Variants in COL22A1 observed in about 807,000 individuals in gnomAD.
The protein encoded by COL22A1 is collagen type XXII alpha 1 chain, also known as collagen alpha-1(XXII) chain.
COL22A1 carries 221 observed loss-of-function variants against 248.9 expected under a neutral mutation model. The observed-to-expected ratio is 0.89, with a 90% CI of 0.80 to 0.99. The LOEUF is 0.99. Ranked by LOEUF, COL22A1 falls within the 50% of genes least tolerant of loss-of-function variation. The pLI, the probability that COL22A1 is intolerant of heterozygous loss-of-function variation, is 0.00. For synonymous variants in COL22A1, 891 were observed against 793.4 expected, an observed-to-expected ratio of 1.12 and a Z score of -2.07; for missense variants, 2,240 against 2,179.0, an observed-to-expected ratio of 1.03 and a Z score of -0.56.
intron 16 of COL22A1, among the ~76,000 whole-genome samples, chr8:138,772,157 T>A (rs191042170): frequency 7.2e-5 from 11 of 152,282 alleles, no homozygotes; most frequent in African/African-American, 2.6e-4. Context: ...GGGAAGGCCG[T>A]CTGCACGCTG....
intron 32 of COL22A1, among the ~76,000 whole-genome samples, chr8:138,696,151 A>G (rs1022681766): frequency 6.6e-6 from 1 of 152,232 alleles, no homozygotes. Context: ...ACAGGTTTGC[A>G]GAGTTCTCCA....
chr8:138,845,378 G>A (rs1821170012), intron 3 of COL22A1, among the ~76,000 whole-genome samples: 2 of 151,832 alleles, frequency 1.3e-5, no homozygotes, highest in Non-Finnish European at 2.9e-5. Context: ...GCATGGTGGT[G>A]CACACTGGTA....
chr8:138,729,483 G>A (rs533007477), intron 23 of COL22A1, among the ~76,000 whole-genome samples: 17 of 152,150 alleles, frequency 1.1e-4, no homozygotes, highest in Admixed American at 2.0e-4. Flanking sequence ...TGTACACTTC[G>A]GAAAGAGAGG....
In COL22A1 at chr8:138,878,137, C is replaced by G; in HGVS notation, c.271G>C (p.Glu91Gln). 6.2e-7 allele frequency: 1 copy of G among 1,605,936 alleles called. No homozygotes were observed. Among genetic ancestry groups the G allele is most frequent in the Non-Finnish European group, 8.5e-7 (1 of 1,176,962 alleles). ...TCCTGCGAGCCAAAGAGTCCCAACT[C>G]GAAGGCCGTGGTGGGCCGGTCGCTG... Reference protein sequence around the residue: ...RYSDRPTTAFELGLFGSQEEV... With the variant: ...RYSDRPTTAFQLGLFGSQEEV... The change falls in exon 3 of 65, where the codon GAG (glutamate) becomes CAG (glutamine). Residue 91 changes from glutamate to glutamine, a missense_variant. Coordinates refer to ENST00000303045, the MANE Select transcript of COL22A1 (RefSeq NM_152888.3).
At chr8:138,753,686 C>A (rs1016498043) in intron 21 of COL22A1, among the ~76,000 whole-genome samples, 2 of 152,140 alleles carry the variant, frequency 1.3e-5, no homozygotes, top group African/African-American at 4.8e-5. Context: ...TTATTTCATC[C>A]CTATATCTTC....
At chr8:138,709,758 C>T (rs564176491) in intron 30 of COL22A1, among the ~76,000 whole-genome samples, 2 of 152,240 alleles carry the variant, frequency 1.3e-5, no homozygotes, top group Non-Finnish European at 2.9e-5. Context: ...GCATCTTGTG[C>T]ACATGTACCC....
intron 41 of COL22A1, among the ~76,000 whole-genome samples, chr8:138,668,063 A>G (rs975219550): frequency 5.3e-5 from 8 of 152,252 alleles, no homozygotes; most frequent in African/African-American, 1.9e-4. Context: ...TTAAAGAAAC[A>G]AACAAAAAAC....
chr8:138,629,512 TAACCAGATGAGGATCCTA>T (rs535093618), intron 50 of COL22A1, among the ~76,000 whole-genome samples: 42 of 152,266 alleles, frequency 2.8e-4, no homozygotes, highest in African/African-American at 8.7e-4. Flanking sequence ...TCAAAAGGAT[TAACCAGATGAGGATCCTA>T]AACCAGATGA....
intron 12 of COL22A1, among the ~76,000 whole-genome samples, chr8:138,789,977 T>C (rs969070616): frequency 6.6e-6 from 1 of 152,352 alleles, no homozygotes; most frequent in Non-Finnish European, 1.5e-5. Context: ...CTGCTATTGC[T>C]AAAACATGCT....
At chr8:138,869,329 G>T (rs1284493926) in intron 3 of COL22A1, among the ~76,000 whole-genome samples, 1 of 152,188 alleles carries the variant, frequency 6.6e-6, no homozygotes, top group Admixed American at 6.5e-5. Context: ...CATCAATTTG[G>T]GAATGATTGA....
chr8:138,682,513 T>A (rs191356823), intron 39 of COL22A1, among the ~76,000 whole-genome samples: 259 of 152,296 alleles, frequency 1.7e-3, no homozygotes, highest in African/African-American at 5.4e-3. Flanking sequence ...CCCACATTTT[T>A]AAAAGTTGAT....
intron 39 of COL22A1, 48 bp downstream of exon 39, chr8:138,684,377 T>C (rs1179552993): frequency 4.6e-6 from 6 of 1,304,318 alleles, no homozygotes; most frequent in Admixed American, 1.7e-5. Context: ...ACGTTCTCTT[T>C]CAAACGGCAA....
intron 64 of COL22A1, 125 bp from the exon 65 acceptor site, chr8:138,589,565 C>A: frequency 4.0e-6 from 3 of 742,178 alleles, no homozygotes; most frequent in Non-Finnish European, 6.1e-6. Context: ...CAGAGCATCC[C>A]CATGGTCTGG....
Position 138,594,080 on chromosome 8 carries a change from C to T in COL22A1, c.4552G>A (p.Gly1518Arg), listed in dbSNP as rs764343646. The change falls in exon 63 of 65, where the codon GGG (glycine) becomes AGG (arginine). Residue 1518 changes from glycine to arginine, a missense_variant. Gly to Arg is a moderately radical substitution (Grantham distance 125, BLOSUM62 -2). Transcript: ENST00000303045. ...DGLPGRAGPM[G>R]EPGRPGQGGL... ...CCCTGCCCAGGACGACCTGGCTCCCCCATGGGGCCGGCCCGGCCTGGAAGC... is the reference window on the plus strand; with the variant it reads ...CCCTGCCCAGGACGACCTGGCTCCCTCATGGGGCCGGCCCGGCCTGGAAGC... 1.3e-6 allele frequency: 2 copies of T among 1,590,450 alleles called. No homozygotes were observed. The highest frequency in any genetic ancestry group is 1.4e-5 in the African/African-American group (1 of 72,418).
intron 45 of COL22A1, 92 bp downstream of exon 45, chr8:138,655,805 G>A (rs1823198535): frequency 9.5e-7 from 1 of 1,057,614 alleles, no homozygotes; most frequent in South Asian, 1.3e-5. Flanking sequence ...CTACCAAATA[G>A]TTGTTCAAAA....
chr8:138,823,359 G>A (rs190084971), intron 6 of COL22A1, among the ~76,000 whole-genome samples: 2 of 152,310 alleles, frequency 1.3e-5, no homozygotes, highest in African/African-American at 4.8e-5. Flanking sequence ...TGATAAACAT[G>A]TATTCTTGGA....
At position 138,664,209 on chromosome 8, in the gene COL22A1, G is replaced by GCACACA. The variant is rs1173353118; in HGVS notation, c.3151-475_3151-470dup. Among the ~76,000 whole-genome samples the GCACACA allele has an allele frequency of 9.8e-4, 101 of 103,186 alleles. 1 individual carries two copies. The highest frequency in any genetic ancestry group is 2.4e-3 in the African/African-American group (59 of 24,848). 67.7% of individuals were successfully genotyped at this position (103,186 alleles called of 152,430 possible). A position where few individuals can be genotyped will look rare whatever the true frequency, so the allele number is the denominator to read the frequency against. On this transcript the variant is annotated intron_variant, in intron 41 of 64. Coordinates refer to ENST00000303045, the MANE Select transcript of COL22A1 (RefSeq NM_152888.3). ...CAACAAGGGGTGCGCGCGCGCGCGC[G>GCACACA]CACACACACACACACACACACACAC...
At chr8:138,841,774 G>A (rs912371426) in intron 4 of COL22A1, among the ~76,000 whole-genome samples, 4 of 152,176 alleles carry the variant, frequency 2.6e-5, no homozygotes, top group African/African-American at 9.7e-5. Flanking sequence ...GTCTGGATGG[G>A]CCTGGGGGCA....
In COL22A1 at chr8:138,594,138, T is replaced by G. The variant is rs1228354830; in HGVS notation, c.4494A>C (p.Arg1498Ser). The G allele has an allele frequency of 3.2e-6, 5 of 1,577,232 alleles. No individual in the cohort carries two copies. Among genetic ancestry groups the G allele is most frequent in the Non-Finnish European group, 4.3e-6 (5 of 1,168,312 alleles). The change falls in exon 63 of 65, where the codon AGA becomes AGC. Residue 1498 changes from arginine (R) to serine (S), a missense_variant. Coordinates refer to ENST00000303045, the MANE Select transcript of COL22A1 (RefSeq NM_152888.3). ...PPAYMKSSQG[R>S]PGPPGPPGKD... is the part of the protein sequence containing the mutation. ...TTCCAGGGGGCCCTGGGGGCCCAGGTCTGCCTTGAGATGACTTCATGTACG... is the reference window on the plus strand; with the variant it reads ...TTCCAGGGGGCCCTGGGGGCCCAGGGCTGCCTTGAGATGACTTCATGTACG...
Sources: gnomAD v4.1 joint callset for allele counts (sites outside exome capture counted in the v4.1 genomes callset) on GRCh38, gnomAD v4.1.1 for gene constraint, MANE v1.5 for transcripts, NCBI Gene and HGNC (gene_info 2026-07-23, HGNC 2026-07-21) for gene names.